The following LINGO2 variants were observed in gnomAD, a reference collection of about 807,000 sequenced individuals.
The protein encoded by LINGO2 is leucine rich repeat and Ig domain containing 2, also known as leucine-rich repeat and immunoglobulin-like domain-containing nogo receptor-interacting protein 2.
LINGO2 carries 14 observed loss-of-function variants against 30.6 expected under a neutral mutation model. That is an observed-to-expected ratio of 0.46 (90% CI 0.30 to 0.72). The LOEUF (loss-of-function observed/expected upper bound fraction) is 0.72, where lower values mean the gene tolerates loss of function less well. LINGO2 is among the 30% of genes least tolerant of loss of function. The pLI, the probability that LINGO2 is intolerant of heterozygous loss-of-function variation, is 0.07. For missense variants in LINGO2, 729 were observed against 751.7 expected, an observed-to-expected ratio of 0.97 and a Z score of 0.35; for synonymous variants, 317 against 288.5, an observed-to-expected ratio of 1.10 and a Z score of -1.00.
At chr9:28,793,164 G>A in the LINGO2 span, among the ~76,000 whole-genome samples, 1 of 152,156 alleles carries the variant, frequency 6.6e-6, no homozygotes, top group East Asian at 1.9e-4. Context: ...ACAAGAGACA[G>A]AGAAACAAAA....
intron 3 of LINGO2, among the ~76,000 whole-genome samples, chr9:28,314,534 T>C (rs1824762543): frequency 6.6e-6 from 1 of 152,174 alleles, no homozygotes; most frequent in South Asian, 2.1e-4. Context: ...ATAAAGAAAC[T>C]GACGGCTAAA....
At chr9:28,347,472 A>C (rs1484976938) in intron 3 of LINGO2, among the ~76,000 whole-genome samples, 3 of 152,122 alleles carry the variant, frequency 2.0e-5, no homozygotes. Context: ...CATAAAGATA[A>C]AAGAAGTTGT....
chr9:28,483,675 A>T (rs1224763437), intron 1 of LINGO2, among the ~76,000 whole-genome samples: 1 of 152,062 alleles, frequency 6.6e-6, no homozygotes, highest in Non-Finnish European at 1.5e-5. Flanking sequence ...TATTTGTATT[A>T]TATATGTTGT....
the LINGO2 span, among the ~76,000 whole-genome samples, chr9:28,894,456 G>A: frequency 1.3e-5 from 2 of 151,868 alleles, no homozygotes; most frequent in Non-Finnish European, 2.9e-5. Context: ...AGTTAAATAT[G>A]TCAATTATTT....
At chr9:28,055,675 AAAC>A (rs1224044787) in intron 4 of LINGO2, among the ~76,000 whole-genome samples, 1 of 152,154 alleles carries the variant, frequency 6.6e-6, no homozygotes, top group African/African-American at 2.4e-5. Flanking sequence ...GATTGTCAAA[AAAC>A]AAAATGCTTC....
the LINGO2 span, among the ~76,000 whole-genome samples, chr9:29,094,885 C>T: frequency 7.2e-6 from 1 of 138,938 alleles, no homozygotes; most frequent in African/African-American, 2.7e-5. Context: ...TAGACCATTA[C>T]ATTTTATATT....
At chr9:28,272,175 C>T (rs1356616261) in intron 4 of LINGO2, among the ~76,000 whole-genome samples, 1 of 152,150 alleles carries the variant, frequency 6.6e-6, no homozygotes, top group Admixed American at 6.5e-5. Flanking sequence ...GTTCTCTCCC[C>T]TTTGCCTACT....
chr9:29,146,200 AC>A, the LINGO2 span, among the ~76,000 whole-genome samples: 381 of 152,294 alleles, frequency 2.5e-3, 2 homozygotes, highest in African/African-American at 8.8e-3. Context: ...TACTAAAAAT[AC>A]AAAAATTAGC....
At position 28,199,321 on chromosome 9, in the gene LINGO2, ATCTTCT is replaced by A. The variant is rs547009763; in HGVS notation, c.-87+95881_-87+95886del. Among the ~76,000 whole-genome samples, 36 of 138,850 alleles carry A rather than the reference ATCTTCT, an allele frequency of 2.6e-4. No homozygotes were observed. In the East Asian group the frequency reaches 3.6e-3, roughly 14 times the overall value. The allele number at this position is 138,850 out of a possible 152,430, so 91.1% of individuals were successfully genotyped here. A position where few individuals can be genotyped will look rare whatever the true frequency, so the allele number is the denominator to read the frequency against. On this transcript the variant is annotated intron_variant, in intron 4 of 5. Coordinates refer to ENST00000379992, the Ensembl canonical transcript of LINGO2. ...TCATAAAGTTGAAAGACTACGGGCT[ATCTTCT>A]TCTTCTTCTTCTTCTTCTTTTTTTT...
intron 5 of LINGO2, among the ~76,000 whole-genome samples, chr9:27,968,171 C>T (rs1156607811): frequency 4.6e-5 from 7 of 152,070 alleles, no homozygotes; most frequent in African/African-American, 1.7e-4. Context: ...TCTAAAACAG[C>T]TTATAGTCTA....
At chr9:28,905,706 G>T in the LINGO2 span, among the ~76,000 whole-genome samples, 2 of 151,990 alleles carry the variant, frequency 1.3e-5, no homozygotes, top group Non-Finnish European at 2.9e-5. Context: ...TAACACTGCT[G>T]GTGGCAATGT....
chr9:29,062,931 C>G, the LINGO2 span, among the ~76,000 whole-genome samples: 2 of 152,092 alleles, frequency 1.3e-5, no homozygotes, highest in African/African-American at 4.8e-5. Context: ...CACTCCCTGA[C>G]CTGGAGGGAA....
chr9:28,671,837 A>T (rs114230503), upstream of LINGO2, among the ~76,000 whole-genome samples: 366 of 152,266 alleles, frequency 2.4e-3, 2 homozygotes, highest in African/African-American at 8.3e-3. Flanking sequence ...GTCAAGGCAC[A>T]TATAGAAGAT....
chr9:29,163,811 T>C, the LINGO2 span, among the ~76,000 whole-genome samples: 1 of 152,156 alleles, frequency 6.6e-6, no homozygotes, highest in Non-Finnish European at 1.5e-5. Flanking sequence ...GATTTTTTAA[T>C]AGTAAGTCAT....
intron 1 of LINGO2, among the ~76,000 whole-genome samples, chr9:28,593,567 G>C (rs1199160749): frequency 6.6e-6 from 1 of 151,992 alleles, no homozygotes; most frequent in Admixed American, 6.6e-5. Flanking sequence ...CCCATAAAAG[G>C]TCTGACTATT....
intron 1 of LINGO2, among the ~76,000 whole-genome samples, chr9:28,512,087 T>TA (rs1342319406): frequency 1.3e-5 from 2 of 152,084 alleles, no homozygotes; most frequent in Non-Finnish European, 2.9e-5. Context: ...TCATGTAACT[T>TA]ACTTGTGCCT....
intron 4 of LINGO2, among the ~76,000 whole-genome samples, chr9:28,095,191 C>T (rs1258538882): frequency 6.6e-6 from 1 of 152,072 alleles, no homozygotes; most frequent in African/African-American, 2.4e-5. Context: ...TATTCATTAG[C>T]CTAAAAATAT....
intron 3 of LINGO2, among the ~76,000 whole-genome samples, chr9:28,331,416 C>T (rs893806982): frequency 6.6e-6 from 1 of 152,080 alleles, no homozygotes; most frequent in Non-Finnish European, 1.5e-5. Context: ...AGAAACTGGG[C>T]CCTAAGATAT....
chr9:29,015,284 C>T, the LINGO2 span, among the ~76,000 whole-genome samples: 4 of 152,166 alleles, frequency 2.6e-5, no homozygotes, highest in Admixed American at 6.5e-5. Flanking sequence ...TGCATCTGTA[C>T]CACATAAAGG....
Sources: allele counts gnomAD v4.1 joint callset (sites outside exome capture counted in the v4.1 genomes callset), GRCh38; gene constraint gnomAD v4.1.1; transcripts MANE v1.5; gene names NCBI Gene and HGNC (gene_info 2026-07-23, HGNC 2026-07-21).